BCAS3: variants seen among roughly 807,000 people sequenced by gnomAD.
BCAS3 encodes BCAS4/BCAS3 fusion.
A neutral mutation model predicts 116.1 loss-of-function variants in BCAS3; 53 were observed. That is an observed-to-expected ratio of 0.46 (90% CI 0.37 to 0.57). BCAS3 has a LOEUF of 0.57. BCAS3 is among the 20% of genes least tolerant of loss of function. The probability of loss-of-function intolerance (pLI) is 0.00; values close to 1 mark genes in which losing one functional copy is unlikely to be tolerated. For synonymous variants in BCAS3, 391 were observed against 408.2 expected (o/e 0.96, Z 0.51); for missense variants, 917 against 1,165.4 (o/e 0.79, Z 3.10).
At chr17:61,142,309 A>G (rs1481489065) in intron 22 of BCAS3, among the ~76,000 whole-genome samples, 1 of 152,218 alleles carries the variant, frequency 6.6e-6, no homozygotes, top group Non-Finnish European at 1.5e-5. Context: ...TGTCTTAACT[A>G]CTATAGTACA....
At chr17:60,941,903 A>G (rs145926433) in intron 13 of BCAS3, among the ~76,000 whole-genome samples, 20 of 152,344 alleles carry the variant, frequency 1.3e-4, no homozygotes, top group African/African-American at 4.6e-4. Flanking sequence ...TGAAGTTTAT[A>G]GTAGGTGAGG....
Position 61,248,932 on chromosome 17 carries a change from T to C in BCAS3, c.2426-119395T>C, listed in dbSNP as rs7210734. ...TTGCTCTTAAAGATAAGACGTTGTT[T>C]AGATGAATATATATTCTTTTCCTGT... On this transcript the variant is annotated intron_variant, in intron 22 of 23. Coordinates refer to ENST00000407086, the MANE Select transcript of BCAS3 (RefSeq NM_017679.5). This position sits in a 1 kb window ranked among gnomAD's most constrained non-coding sequence, Gnocchi z 4.3. Among the ~76,000 whole-genome samples, 5,908 of 152,300 alleles carry C rather than the reference T, an allele frequency of 0.039. 248 individuals carry two copies. Among genetic ancestry groups the C allele is most frequent in the African/African-American group, 0.11 (4,366 of 41,530 alleles).
rs1033609090 is a variant in BCAS3 at position 61,128,097 on chromosome 17, G to A, written c.2425+43533G>A. 91 of 736,120 alleles carry A rather than the reference G, an allele frequency of 1.2e-4. No homozygotes were observed. Among genetic ancestry groups the A allele is most frequent in the Non-Finnish European group, 1.4e-4 (87 of 602,896 alleles). The allele number at this position is 736,120 out of a possible 1,614,324, so 45.6% of individuals were successfully genotyped here. ...GTTTGAATGTAATTACCCAAAGTTT[G>A]GCTTTTCTTTTAAAGAACCCATTCA... is the stretch of plus-strand genomic sequence containing the variant. On this transcript the variant is annotated intron_variant, in intron 22 of 23. Transcript: ENST00000407086. The surrounding 1 kb of genome is among the most constrained non-coding windows in gnomAD (Gnocchi z 4.1).
intron 19 of BCAS3, among the ~76,000 whole-genome samples, chr17:61,060,306 TGTGTA>T (rs2069865098): frequency 1.4e-5 from 2 of 146,204 alleles, no homozygotes; most frequent in African/African-American, 2.5e-5. Context: ...TTTTTTTTTT[TGTGTA>T]TTTTTAGTAG....
chr17:61,319,923 C>T (rs1454124378), intron 22 of BCAS3, among the ~76,000 whole-genome samples: 1 of 139,244 alleles, frequency 7.2e-6, no homozygotes, highest in Admixed American at 7.5e-5. Context: ...TAGAGTCTTG[C>T]TCTGTCACCC....
intron 5 of BCAS3, among the ~76,000 whole-genome samples, chr17:60,739,691 A>G (rs1380725803): frequency 1.3e-5 from 2 of 152,042 alleles, no homozygotes; most frequent in African/African-American, 4.8e-5. Flanking sequence ...TTCTTTCCTT[A>G]TGTAAATCTG....
intron 22 of BCAS3, among the ~76,000 whole-genome samples, chr17:61,194,190 G>T (rs918470448): frequency 6.6e-6 from 1 of 152,146 alleles, no homozygotes; most frequent in African/African-American, 2.4e-5. Context: ...CTATTAGCTC[G>T]TATTAGTGGT....
chr17:61,322,832 G>GAGAGAC (rs2055378412), intron 22 of BCAS3, among the ~76,000 whole-genome samples: 5 of 119,870 alleles, frequency 4.2e-5, no homozygotes, highest in African/African-American at 2.2e-4. Context: ...GAGAGAGACA[G>GAGAGAC]AGAGAGAGAG....
chr17:60,754,236 T>C (rs1422322280), intron 6 of BCAS3, among the ~76,000 whole-genome samples: 2 of 151,998 alleles, frequency 1.3e-5, no homozygotes, highest in East Asian at 1.9e-4. Context: ...GATAGAATTT[T>C]GCTCTGTCAC....
chr17:61,285,259 T>TGTGTGTGTGTGTGTGTG lies in BCAS3; in HGVS notation c.2426-83068_2426-83067insGTGTGTGTGTGTGTGTG, dbSNP rs1555807771. 3.8e-4 allele frequency among the ~76,000 whole-genome samples: 49 copies of TGTGTGTGTGTGTGTGTG among 129,088 alleles called. No individual in the cohort carries two copies. The highest frequency in any genetic ancestry group is 1.7e-3 in the African/African-American group (49 of 28,856). The allele number at this position is 129,088 out of a possible 152,430, so 84.7% of individuals were successfully genotyped here. On this transcript the variant is annotated intron_variant, in intron 22 of 23. Coordinates refer to ENST00000407086, the MANE Select transcript of BCAS3 (RefSeq NM_017679.5). This position sits in a 1 kb window ranked among gnomAD's most constrained non-coding sequence, Gnocchi z 5.4. ...TGTGTGTGTGTGTGTGTGTGTGTGT[T>TGTGTGTGTGTGTGTGTG]TCTTGCTAAAATGCAGCAAAGGAAG...
intron 22 of BCAS3, among the ~76,000 whole-genome samples, chr17:61,319,433 T>A (rs1216141346): frequency 6.6e-6 from 1 of 152,256 alleles, no homozygotes; most frequent in Non-Finnish European, 1.5e-5. Flanking sequence ...AATAATTATA[T>A]CTATTTATTC....
intron 5 of BCAS3, among the ~76,000 whole-genome samples, chr17:60,728,112 T>G (rs2040091200): frequency 6.6e-6 from 1 of 151,916 alleles, no homozygotes; most frequent in South Asian, 2.1e-4. Flanking sequence ...CCCGGCCTGG[T>G]TTTTGGTGGT....
At chr17:60,754,305 A>C (rs1175039441) in intron 6 of BCAS3, among the ~76,000 whole-genome samples, 1 of 152,096 alleles carries the variant, frequency 6.6e-6, no homozygotes, top group Non-Finnish European at 1.5e-5. Flanking sequence ...TCCTGGGCCC[A>C]AGTGATCCCC....
At chr17:60,814,296 T>TGC (rs755687591) in intron 7 of BCAS3, among the ~76,000 whole-genome samples, 163 of 124,480 alleles carry the variant, frequency 1.3e-3, no homozygotes, top group African/African-American at 6.9e-3. Flanking sequence ...TGTGTGTGTG[T>TGC]GTGTGTGTGT....
At chr17:60,723,868 G>A (rs1341772194) in intron 5 of BCAS3, among the ~76,000 whole-genome samples, 2 of 150,470 alleles carry the variant, frequency 1.3e-5, no homozygotes, top group African/African-American at 2.4e-5. Flanking sequence ...ACAGGCACCC[G>A]CCACCATGCC....
intron 7 of BCAS3, among the ~76,000 whole-genome samples, chr17:60,837,652 CTT>C (rs371521233): frequency 0.019 from 2,585 of 136,860 alleles, 81 homozygotes; most frequent in African/African-American, 0.067. Context: ...TTTCACAATA[CTT>C]TTTTTTTTTT....
intron 4 of BCAS3, among the ~76,000 whole-genome samples, chr17:60,706,208 A>G (rs1483949582): frequency 1.3e-5 from 2 of 151,790 alleles, no homozygotes; most frequent in East Asian, 3.9e-4. Flanking sequence ...GATTACAGGC[A>G]CCCACCACCA....
chr17:60,844,083 C>T (rs1290957400), intron 7 of BCAS3, among the ~76,000 whole-genome samples: 1 of 152,188 alleles, frequency 6.6e-6, no homozygotes, highest in African/African-American at 2.4e-5. Context: ...GATTCTCCTG[C>T]CTCAGCCTCC....
Position 61,337,021 on chromosome 17 carries a change from G to A in BCAS3, c.2426-31306G>A, listed in dbSNP as rs1261216022. Among the ~76,000 whole-genome samples, 1 of 152,040 alleles carries A rather than the reference G, an allele frequency of 6.6e-6. No homozygotes were observed. Among genetic ancestry groups the A allele is most frequent in the African/African-American group, 2.4e-5 (1 of 41,402 alleles). ...CCAGCTACTCAGGAGGCTGAGGCAG[G>A]AGAATCACTTGAACCTGGGAGGTGG... On this transcript the variant is annotated intron_variant, in intron 22 of 23. Coordinates refer to ENST00000407086, the MANE Select transcript of BCAS3 (RefSeq NM_017679.5). This position sits in a 1 kb window ranked among gnomAD's most constrained non-coding sequence, Gnocchi z 4.8.
Sources: gnomAD v4.1 joint callset for allele counts (sites outside exome capture counted in the v4.1 genomes callset) on GRCh38, gnomAD v4.1.1 for gene constraint, Gnocchi (gnomAD v3.1) non-coding constraint, MANE v1.5 for transcripts, NCBI Gene and HGNC (gene_info 2026-07-23, HGNC 2026-07-21) for gene names.